SGCZ: variants seen among roughly 807,000 people sequenced by gnomAD.
The protein encoded by SGCZ is zeta-sarcoglycan.
A neutral mutation model predicts 41.3 loss-of-function variants in SGCZ; 40 were observed. That is an observed-to-expected ratio of 0.97 (90% CI 0.75 to 1.26). The LOEUF is 1.26. Among genes scored for constraint, SGCZ ranks in the 50% most tolerant of loss-of-function variants. SGCZ has a pLI of 0.00. For missense variants in SGCZ, 552 were observed against 369.8 expected, an observed-to-expected ratio of 1.49 and a Z score of -4.04; for synonymous variants, 206 against 137.5, an observed-to-expected ratio of 1.50 and a Z score of -3.49.
chr8:14,454,711 G>C (rs1227110328), intron 2 of SGCZ, among the ~76,000 whole-genome samples: 1 of 152,140 alleles, frequency 6.6e-6, no homozygotes, highest in Non-Finnish European at 1.5e-5. Context: ...AGAATGGGAA[G>C]TCTCTAAGAA....
chr8:14,515,667 T>C (rs1190536083), intron 2 of SGCZ, among the ~76,000 whole-genome samples: 1 of 152,102 alleles, frequency 6.6e-6, no homozygotes, highest in Non-Finnish European at 1.5e-5. Context: ...GAGTGAAAAT[T>C]TCTGGGTCTT....
chr8:14,999,449 G>A (rs1802331276), intron 1 of SGCZ, among the ~76,000 whole-genome samples: 1 of 152,038 alleles, frequency 6.6e-6, no homozygotes, highest in Non-Finnish European at 1.5e-5. Context: ...GGAAGAGGAG[G>A]AAAAAGTTCT....
At chr8:14,801,671 G>A (rs1295516900) in intron 1 of SGCZ, among the ~76,000 whole-genome samples, 1 of 152,110 alleles carries the variant, frequency 6.6e-6, no homozygotes, top group Non-Finnish European at 1.5e-5. Flanking sequence ...TGGAGTTGGG[G>A]GAAAATCAGG....
intron 1 of SGCZ, among the ~76,000 whole-genome samples, chr8:15,058,412 G>C (rs1004148976): frequency 6.6e-6 from 1 of 152,078 alleles, no homozygotes; most frequent in Non-Finnish European, 1.5e-5. Context: ...ACCATCTTTT[G>C]TCGGTCAAAC....
intron 2 of SGCZ, among the ~76,000 whole-genome samples, chr8:14,439,196 C>G (rs564610557): frequency 6.6e-6 from 1 of 151,692 alleles, no homozygotes. Context: ...TTTAAAAATA[C>G]TGACTTAGGA....
intron 1 of SGCZ, among the ~76,000 whole-genome samples, chr8:14,839,964 T>TA (rs1012179241): frequency 2.6e-5 from 4 of 152,198 alleles, no homozygotes; most frequent in Admixed American, 2.6e-4. Flanking sequence ...TAGTATTATG[T>TA]AATCAACTTG....
chr8:14,595,135 A>C (rs1466007812), intron 1 of SGCZ, among the ~76,000 whole-genome samples: 2 of 152,180 alleles, frequency 1.3e-5, no homozygotes, highest in African/African-American at 2.4e-5. Context: ...GACAAATGAA[A>C]CTGGAATTAG....
chr8:14,469,740 G>A (rs1801161486), intron 2 of SGCZ, among the ~76,000 whole-genome samples: 1 of 151,910 alleles, frequency 6.6e-6, no homozygotes, highest in Admixed American at 6.6e-5. Flanking sequence ...AACGGCCAAT[G>A]GCTGATGGTT....
chr8:14,711,456 G>C (rs545092863), intron 1 of SGCZ, among the ~76,000 whole-genome samples: 172 of 137,440 alleles, frequency 1.3e-3, no homozygotes, highest in Non-Finnish European at 2.4e-3. Context: ...AAAAAAAAAA[G>C]TTAGGCATGA....
At chr8:14,372,684 A>C (rs1052704586) in intron 2 of SGCZ, among the ~76,000 whole-genome samples, 1 of 152,124 alleles carries the variant, frequency 6.6e-6, no homozygotes, top group Non-Finnish European at 1.5e-5. Flanking sequence ...AATTTTGGAG[A>C]TATCTGGAGA....
At chr8:14,289,147 A>T (rs1314400872) in intron 3 of SGCZ, among the ~76,000 whole-genome samples, 1 of 151,458 alleles carries the variant, frequency 6.6e-6, no homozygotes, top group East Asian at 1.9e-4. Flanking sequence ...AATTACAGGG[A>T]TTCTTTAATT....
intron 2 of SGCZ, among the ~76,000 whole-genome samples, chr8:14,376,050 A>C (rs1804109530): frequency 6.6e-6 from 1 of 152,248 alleles, no homozygotes; most frequent in African/African-American, 2.4e-5. Flanking sequence ...GAGGTGGCTC[A>C]TGCCGGTAAT....
At chr8:14,985,507 G>C (rs1257031736) in intron 1 of SGCZ, among the ~76,000 whole-genome samples, 1 of 152,144 alleles carries the variant, frequency 6.6e-6, no homozygotes, top group African/African-American at 2.4e-5. Flanking sequence ...GGGCTAAAAT[G>C]CCCAGAGATT....
chr8:14,474,500 G>C (rs1439097853), intron 2 of SGCZ, among the ~76,000 whole-genome samples: 3 of 152,138 alleles, frequency 2.0e-5, no homozygotes, highest in Non-Finnish European at 4.4e-5. Context: ...TGCAGCAATA[G>C]TCATCATAAT....
intron 1 of SGCZ, among the ~76,000 whole-genome samples, chr8:14,688,037 G>T (rs997742369): frequency 2.0e-5 from 3 of 152,142 alleles, no homozygotes; most frequent in African/African-American, 7.2e-5. Context: ...CTTTTTGATG[G>T]GGTTGTTTGT....
intron 2 of SGCZ, among the ~76,000 whole-genome samples, chr8:14,538,148 T>C (rs1021517328): frequency 6.6e-6 from 1 of 151,996 alleles, no homozygotes; most frequent in Non-Finnish European, 1.5e-5. Flanking sequence ...GCTGTTAGAA[T>C]AATTATAATT....
chr8:14,877,591 G>A (rs1016115061), intron 1 of SGCZ, among the ~76,000 whole-genome samples: 3 of 151,962 alleles, frequency 2.0e-5, no homozygotes, highest in Non-Finnish European at 2.9e-5. Flanking sequence ...ATAATGAATA[G>A]TGTAAAGATA....
Position 14,190,862 on chromosome 8 carries a change from A to C in SGCZ, c.425-26160T>G, listed in dbSNP as rs537430720. Among the ~76,000 whole-genome samples, 3 of 152,246 alleles carry C rather than the reference A, an allele frequency of 2.0e-5. No individual in the cohort carries two copies. In the South Asian group the frequency reaches 6.2e-4, roughly 32 times the overall value. On this transcript the variant is annotated intron_variant, in intron 4 of 7. Coordinates refer to ENST00000382080, the MANE Select transcript of SGCZ (RefSeq NM_139167.4). ...TGTGATCCACCCGCCTCGGACTCCCAAAGTGCTGGGATTACAGGCATGAGC... is the reference window on the plus strand; with the variant it reads ...TGTGATCCACCCGCCTCGGACTCCCCAAGTGCTGGGATTACAGGCATGAGC...
At position 14,669,542 on chromosome 8, in the gene SGCZ, T is replaced by A. The variant is rs373242909; in HGVS notation, c.40-114616A>T. On this transcript the variant is annotated intron_variant, in intron 1 of 7. Transcript: ENST00000382080. ...CTCTATTTCTATGAGTATAACAACATAGATTCCATATATAAGTAAGATCAT... is the reference window on the plus strand; with the variant it reads ...CTCTATTTCTATGAGTATAACAACAAAGATTCCATATATAAGTAAGATCAT... Among the ~76,000 whole-genome samples the A allele has an allele frequency of 1.2e-4, 18 of 152,212 alleles. No individual in the cohort carries two copies. The East Asian group carries it at 3.1e-3, about 26-fold the overall frequency.
Sources: allele counts gnomAD v4.1 joint callset (sites outside exome capture counted in the v4.1 genomes callset), GRCh38; gene constraint gnomAD v4.1.1; transcripts MANE v1.5; gene names NCBI Gene and HGNC (gene_info 2026-07-23, HGNC 2026-07-21).